CD86: variants seen among roughly 807,000 people sequenced by gnomAD.
CD86 encodes the protein CD86 molecule, also known as T-lymphocyte activation antigen CD86.
Under a neutral mutation model 32.1 loss-of-function variants are expected in CD86, and 11 were observed. That is an observed-to-expected ratio of 0.34 (90% confidence interval 0.22 to 0.57). CD86 has a LOEUF of 0.57. Ranked by LOEUF, CD86 falls within the 20% of genes least tolerant of loss-of-function variation. CD86 has a pLI of 0.86. For synonymous variants in CD86, 137 were observed against 135.3 expected, an observed-to-expected ratio of 1.01 and a Z score of -0.09; for missense variants, 359 against 398.4, an observed-to-expected ratio of 0.90 and a Z score of 0.84.
At chr3:122,098,937 G>A (rs1181140127) in intron 2 of CD86, among the ~76,000 whole-genome samples, 2 of 152,176 alleles carry the variant, frequency 1.3e-5, no homozygotes, top group African/African-American at 4.8e-5. Flanking sequence ...TGAAGGGGAG[G>A]AAGACAGTAC....
rs558015805 is a variant in CD86, at chr3:122,076,156, T to C, written c.15-15445T>C. Among the ~76,000 whole-genome samples the C allele has an allele frequency of 1.8e-4, 28 of 152,350 alleles. No individual in the cohort carries two copies. In the South Asian group the frequency reaches 5.6e-3, roughly 30 times the overall value. On this transcript the variant is annotated intron_variant, in intron 1 of 6. Transcript: ENST00000330540. ...TAGTATTAACACAAAGATTTTTTTC[T>C]AAATAGATTTACTTAAAGTATGTTA...
Position 122,119,507 on chromosome 3 carries a change from A to C in CD86, c.963A>C (p.Ser321=), listed in dbSNP as rs760113027. The C allele has an allele frequency of 1.4e-5, 22 of 1,606,204 alleles. No individual in the cohort carries two copies. The East Asian group carries it at 4.5e-4, about 33-fold the overall frequency. Residue 321 remains serine, a synonymous_variant, in exon 7 of 7, where the codon TCA becomes TCC. Transcript: ENST00000330540. ...QRVFKSSKTS[S]CDKSDTCF is the part of the protein sequence containing the mutation. The stretch of plus-strand genomic sequence containing the variant: ...TTTTTAAAAGTTCGAAGACATCTTC[A>C]TGCGACAAAAGTGATACATGTTTTT...
At chr3:122,110,480 A>G (rs2073155914) in intron 5 of CD86, among the ~76,000 whole-genome samples, 1 of 152,204 alleles carries the variant, frequency 6.6e-6, no homozygotes, top group South Asian at 2.1e-4. Flanking sequence ...TATGGTAGAA[A>G]GCACAAGATG....
At chr3:122,103,941 CA>C (rs1288366855) in intron 3 of CD86, 94 bp downstream of exon 3, 1 of 1,049,804 alleles carries the variant, frequency 9.5e-7, no homozygotes, top group Non-Finnish European at 1.4e-6. Flanking sequence ...TTGAGGGGCC[CA>C]GGGGAAAAGG....
intron 5 of CD86, among the ~76,000 whole-genome samples, chr3:122,115,976 C>T (rs899549769): frequency 2.6e-5 from 4 of 151,862 alleles, no homozygotes; most frequent in Non-Finnish European, 5.9e-5. Context: ...AATTAGATAT[C>T]CACATGGAAA....
At chr3:122,075,033 C>G (rs1188416903) in intron 1 of CD86, among the ~76,000 whole-genome samples, 1 of 151,818 alleles carries the variant, frequency 6.6e-6, no homozygotes, top group African/African-American at 2.4e-5. Flanking sequence ...TTTTGATTGG[C>G]TGACTGCTGG....
chr3:122,063,654 A>G (rs2072370928), intron 1 of CD86, among the ~76,000 whole-genome samples: 1 of 150,510 alleles, frequency 6.6e-6, no homozygotes, highest in Non-Finnish European at 1.5e-5. Context: ...GCTGGAGTGC[A>G]GTAGTGCAAT....
chr3:122,089,983 G>A (rs2072786780), intron 1 of CD86, among the ~76,000 whole-genome samples: 1 of 152,142 alleles, frequency 6.6e-6, no homozygotes, highest in Non-Finnish European at 1.5e-5. Context: ...ATGGGTCAAT[G>A]TTTTTGTTTA....
intron 1 of CD86, among the ~76,000 whole-genome samples, chr3:122,084,399 A>ATAGC (rs2072683173): frequency 6.6e-6 from 1 of 152,240 alleles, no homozygotes; most frequent in East Asian, 1.9e-4. Flanking sequence ...AGTCTCCATC[A>ATAGC]TAGCTGTTCA....
intron 1 of CD86, among the ~76,000 whole-genome samples, chr3:122,066,298 G>A (rs1294505658): frequency 2.0e-5 from 3 of 152,146 alleles, no homozygotes; most frequent in Non-Finnish European, 2.9e-5. Flanking sequence ...AGGAATACGA[G>A]AGTGAATGAA....
chr3:122,117,909 TTTGAGTAACTA>T (rs1205489966), intron 5 of CD86, 128 bp from the exon 6 acceptor site: 6 of 684,652 alleles, frequency 8.8e-6, no homozygotes, highest in Non-Finnish European at 1.6e-5. Context: ...AATTGCATCA[TTTGAGTAACTA>T]TCTCTTCCAT....
At chr3:122,089,924 G>A (rs751041938) in intron 1 of CD86, among the ~76,000 whole-genome samples, 9 of 152,148 alleles carry the variant, frequency 5.9e-5, no homozygotes, top group East Asian at 1.9e-4. Flanking sequence ...GTGCAAAACC[G>A]TACATAGTAT....
At chr3:122,113,826 T>C (rs1365720543) in intron 5 of CD86, among the ~76,000 whole-genome samples, 1 of 152,196 alleles carries the variant, frequency 6.6e-6, no homozygotes, top group East Asian at 1.9e-4. Flanking sequence ...ACAGAGATAC[T>C]GTCTTCAAAT....
rs543749242 is a variant in CD86, at chr3:122,091,025, C to T, written c.15-576C>T. 2.6e-5 allele frequency among the ~76,000 whole-genome samples: 4 copies of T among 152,284 alleles called. No homozygotes were observed. The East Asian group carries it at 7.7e-4, about 29-fold the overall frequency. ...GAACCACAGGAAAACAAAAGGAAGG[C>T]AGATTTCTAAGCGTAAATGCAATAC... On this transcript the variant is annotated intron_variant, in intron 1 of 6. Transcript: ENST00000330540.
At position 122,087,471 on chromosome 3, in the gene CD86, A is replaced by G. The variant is rs1576770983; in HGVS notation, c.15-4130A>G. ...TTCTTCACGGCCAATGACATTGGAG[A>G]AACTGGCTTCCTAACCCAGCCCACA... On this transcript the variant is annotated intron_variant, in intron 1 of 6. Coordinates refer to ENST00000330540, the MANE Select transcript of CD86 (RefSeq NM_175862.5). Among the ~76,000 whole-genome samples the G allele has an allele frequency of 2.6e-5, 4 of 152,134 alleles. No individual in the cohort carries two copies. In the East Asian group the frequency reaches 5.8e-4, roughly 22 times the overall value.
chr3:122,106,840 GCACACACACACACA>G (rs56759758), intron 4 of CD86, among the ~76,000 whole-genome samples: 1 of 143,474 alleles, frequency 7.0e-6, no homozygotes, highest in African/African-American at 2.6e-5. Flanking sequence ...ACATGCGCTT[GCACACACACACACA>G]CACACACACA....
intron 1 of CD86, among the ~76,000 whole-genome samples, chr3:122,082,641 G>A (rs2072650515): frequency 6.6e-6 from 1 of 152,178 alleles, no homozygotes; most frequent in Admixed American, 6.5e-5. Flanking sequence ...TGTTTACTAT[G>A]GATAGACTAT....
chr3:122,113,638 ATTTGT>A (rs1159389478), intron 5 of CD86, among the ~76,000 whole-genome samples: 1 of 152,112 alleles, frequency 6.6e-6, no homozygotes. Context: ...TTTGTTGGCC[ATTTGT>A]ATATTTTCTT....
At chr3:122,078,895 T>G (rs1165209383) in intron 1 of CD86, among the ~76,000 whole-genome samples, 1 of 152,238 alleles carries the variant, frequency 6.6e-6, no homozygotes, top group African/African-American at 2.4e-5. Context: ...ATGCGTCTAT[T>G]TATGTGCTCA....
Sources: gnomAD v4.1 joint callset for allele counts (sites outside exome capture counted in the v4.1 genomes callset) on GRCh38, gnomAD v4.1.1 for gene constraint, MANE v1.5 for transcripts, NCBI Gene and HGNC (gene_info 2026-07-23, HGNC 2026-07-21) for gene names.